CACNA2D3: variants seen among roughly 807,000 people sequenced by gnomAD.
The protein encoded by CACNA2D3 is calcium voltage-gated channel auxiliary subunit alpha2delta 3.
Under a neutral mutation model 160.6 loss-of-function variants are expected in CACNA2D3, and 60 were observed. The observed-to-expected ratio is 0.37, with a 90% CI of 0.30 to 0.46. The LOEUF (loss-of-function observed/expected upper bound fraction) is 0.46, where lower values mean the gene tolerates loss of function less well. CACNA2D3 is among the 20% of genes least tolerant of loss of function. The pLI, the probability that CACNA2D3 is intolerant of heterozygous loss-of-function variation, is 1.00. For synonymous variants in CACNA2D3, 558 were observed against 492.9 expected (o/e 1.13, Z -1.75); for missense variants, 1,205 against 1,365.0 (o/e 0.88, Z 1.85).
At chr3:54,640,860 T>C (rs559989857) in intron 10 of CACNA2D3, among the ~76,000 whole-genome samples, 36 of 152,320 alleles carry the variant, frequency 2.4e-4, no homozygotes, top group African/African-American at 8.2e-4. Flanking sequence ...ATATTGTCTC[T>C]CAAGTAGCCC....
intron 2 of CACNA2D3, among the ~76,000 whole-genome samples, chr3:54,300,954 G>C (rs1703462155): frequency 6.6e-6 from 1 of 151,982 alleles, no homozygotes. Flanking sequence ...CCAGGAGTTT[G>C]AGGTTGCAGT....
intron 2 of CACNA2D3, among the ~76,000 whole-genome samples, chr3:54,143,804 TTAA>T (rs1157140389): frequency 6.6e-6 from 1 of 152,206 alleles, no homozygotes; most frequent in Non-Finnish European, 1.5e-5. Context: ...TGGCCGATTG[TTAA>T]TATTTTGATG....
intron 3 of CACNA2D3, among the ~76,000 whole-genome samples, chr3:54,354,653 G>T (rs946060241): frequency 1.2e-4 from 18 of 152,164 alleles, no homozygotes; most frequent in Non-Finnish European, 1.5e-4. Context: ...AAGAAAAACA[G>T]GCAAAATGAT....
At chr3:54,317,650 G>A (rs1410913350) in intron 2 of CACNA2D3, among the ~76,000 whole-genome samples, 1 of 152,092 alleles carries the variant, frequency 6.6e-6, no homozygotes, top group African/African-American at 2.4e-5. Flanking sequence ...TGATTCTTCT[G>A]CCTCAGTCTC....
chr3:54,500,159 C>T (rs1375523757), intron 4 of CACNA2D3, among the ~76,000 whole-genome samples: 2 of 152,084 alleles, frequency 1.3e-5, no homozygotes, highest in African/African-American at 4.8e-5. Flanking sequence ...CTATCTTATT[C>T]CTTGATAATT....
intron 31 of CACNA2D3, among the ~76,000 whole-genome samples, chr3:54,989,289 G>C (rs1231166366): frequency 2.0e-5 from 3 of 152,336 alleles, no homozygotes; most frequent in Admixed American, 2.0e-4. Flanking sequence ...GGGAGAAAGA[G>C]AAAGGGTGTA....
chr3:54,681,607 T>TG (rs1700353088), intron 11 of CACNA2D3, among the ~76,000 whole-genome samples: 1 of 151,308 alleles, frequency 6.6e-6, no homozygotes, highest in African/African-American at 2.4e-5. Flanking sequence ...GTGGACATGA[T>TG]GACATATAGG....
intron 6 of CACNA2D3, 56 bp from the exon 7 acceptor site, chr3:54,569,739 G>A (rs1702464366): frequency 7.3e-7 from 1 of 1,360,738 alleles, no homozygotes; most frequent in Non-Finnish European, 1.0e-6. Flanking sequence ...GCCTTGAAAT[G>A]CTATGAATAA....
chr3:54,840,719 A>ATTTTT lies in CACNA2D3; in HGVS notation c.1551+2087_1551+2091dup, dbSNP rs35529003. On this transcript the variant is annotated intron_variant, in intron 16 of 37. Coordinates refer to ENST00000474759, the MANE Select transcript of CACNA2D3 (RefSeq NM_018398.3). The stretch of plus-strand genomic sequence containing the variant: ...CCACTGCACCCTGCCAAGAGCCATG[A>ATTTTT]TTTTTTTTTTTTTTTTTTTTGAGAC... Among the ~76,000 whole-genome samples the ATTTTT allele has an allele frequency of 3.8e-3, 329 of 85,736 alleles. 5 individuals are homozygous for ATTTTT. Among genetic ancestry groups the ATTTTT allele is most frequent in the African/African-American group, 0.014 (299 of 21,212 alleles). 56.2% of individuals were successfully genotyped at this position (85,736 alleles called of 152,430 possible). A position where few individuals can be genotyped will look rare whatever the true frequency, so the allele number is the denominator to read the frequency against.
chr3:54,575,962 A>T (rs1326214650), intron 8 of CACNA2D3, among the ~76,000 whole-genome samples: 2 of 152,106 alleles, frequency 1.3e-5, no homozygotes, highest in Non-Finnish European at 2.9e-5. Flanking sequence ...CCGGTGAGTG[A>T]TGGTGAAATG....
intron 5 of CACNA2D3, among the ~76,000 whole-genome samples, chr3:54,518,292 A>G (rs1701587515): frequency 6.6e-6 from 1 of 152,182 alleles, no homozygotes. Flanking sequence ...ATACCCCTAC[A>G]GCATGATGGG....
At chr3:54,929,786 C>G (rs1018176303) in intron 27 of CACNA2D3, among the ~76,000 whole-genome samples, 7 of 152,118 alleles carry the variant, frequency 4.6e-5, no homozygotes, top group African/African-American at 1.7e-4. Context: ...GTTTCAGGTG[C>G]ACAGAATTTA....
chr3:54,133,122 T>A (rs958231377), intron 2 of CACNA2D3, among the ~76,000 whole-genome samples: 6 of 152,300 alleles, frequency 3.9e-5, no homozygotes, highest in African/African-American at 1.4e-4. Flanking sequence ...GAGACCTCCA[T>A]CAAAGTTGCC....
chr3:54,150,942 T>C (rs1700138460), intron 2 of CACNA2D3, among the ~76,000 whole-genome samples: 2 of 151,610 alleles, frequency 1.3e-5, no homozygotes, highest in South Asian at 4.2e-4. Flanking sequence ...GATAGACGAA[T>C]GAATGGATGT....
intron 2 of CACNA2D3, among the ~76,000 whole-genome samples, chr3:54,253,428 GGAGCCAGAGAGA>G (rs1702234075): frequency 6.6e-6 from 1 of 152,108 alleles, no homozygotes; most frequent in African/African-American, 2.4e-5. Context: ...GGCTGGAGCA[GGAGCCAGAGAGA>G]GAGTGAAGGG....
At chr3:54,407,352 A>G (rs1380233239) in intron 4 of CACNA2D3, among the ~76,000 whole-genome samples, 1 of 152,158 alleles carries the variant, frequency 6.6e-6, no homozygotes, top group Non-Finnish European at 1.5e-5. Context: ...TTTTATGTTA[A>G]AATAACCACC....
chr3:54,176,433 GTTATC>G (rs1170166479), intron 2 of CACNA2D3, among the ~76,000 whole-genome samples: 21 of 152,178 alleles, frequency 1.4e-4, no homozygotes, highest in African/African-American at 5.1e-4. Context: ...ATTCCTTGCT[GTTATC>G]TTATTTTCTG....
intron 5 of CACNA2D3, among the ~76,000 whole-genome samples, chr3:54,530,958 A>G (rs1379112869): frequency 6.6e-6 from 1 of 152,186 alleles, no homozygotes; most frequent in African/African-American, 2.4e-5. Flanking sequence ...AACAGGCCAG[A>G]GAATACTTTC....
At chr3:54,334,102 T>G (rs535103453) in intron 3 of CACNA2D3, among the ~76,000 whole-genome samples, 1 of 152,174 alleles carries the variant, frequency 6.6e-6, no homozygotes, top group African/African-American at 2.4e-5. Flanking sequence ...TTAATTTAAT[T>G]TTTTTTTGAG....
Sources: gnomAD v4.1 joint callset for allele counts (sites outside exome capture counted in the v4.1 genomes callset) on GRCh38, gnomAD v4.1.1 for gene constraint, MANE v1.5 for transcripts, NCBI Gene and HGNC (gene_info 2026-07-23, HGNC 2026-07-21) for gene names.